Variants in TCOF1 observed in about 807,000 individuals in gnomAD.
TCOF1 encodes the protein treacle protein.
In TCOF1, 33 loss-of-function variants were observed where a neutral mutation model predicts 149.0. The ratio of observed to expected loss-of-function variants is 0.22; its 90% CI spans 0.17 to 0.30. TCOF1 has a LOEUF of 0.30. TCOF1 is among the 10% of genes least tolerant of loss of function. The pLI is 1.00. For synonymous variants in TCOF1, 789 were observed against 738.8 expected (o/e 1.07, Z -1.10); for missense variants, 1,728 against 1,840.7 (o/e 0.94, Z 1.12).
Position 150,375,895 on chromosome 5 carries a change from A to G in TCOF1, c.1879A>G (p.Met627Val), listed in dbSNP as rs753733229. ...GGACAGTGAGGAGGCACCAGCAGCC[A>G]TGACTGCAGCTCAGGTGAGGCCTGG... ...SADSEEAPAA[M>V]TAAQAKPALK... The change falls in exon 12 of 27, where the codon ATG becomes GTG. Residue 627 changes from methionine (M) to valine (V), a missense_variant. Met to Val is a conservative substitution (Grantham distance 21). Coordinates refer to ENST00000643257, the MANE Select transcript of TCOF1 (RefSeq NM_001371623.1). 4 of 1,614,026 alleles carry G rather than the reference A, an allele frequency of 2.5e-6. No homozygotes were observed. The African/African-American group carries it at 5.3e-5, about 22-fold the overall frequency.
rs1448082943 is a variant in TCOF1, at chr5:150,372,233, C to G, written c.867C>G (p.Ser289Arg). ...SEEEAPAGTR[S>R]QVKASEKILQ... ...AGGAGGCCCCTGCAGGGACACGAAG[C>G]CAGGTGAGGCCTGGAGGAGGGCTGC... is the stretch of plus-strand genomic sequence containing the variant. Residue 289 changes from serine to arginine, a missense_variant, in exon 7 of 27, where the codon AGC becomes AGG. This residue lies in a region of TCOF1 where 1,696 missense variants were observed against 1,765.4 expected (regional missense o/e 0.96). Transcript: ENST00000643257. 1.2e-6 allele frequency: 2 copies of G among 1,607,632 alleles called. No individual in the cohort carries two copies. The highest frequency in any genetic ancestry group is 1.3e-5 in the African/African-American group (1 of 74,786).
intron 3 of TCOF1, among the ~76,000 whole-genome samples, chr5:150,366,225 CTGGTGG>C (rs977078782): frequency 6.6e-6 from 1 of 151,916 alleles, no homozygotes; most frequent in Non-Finnish European, 1.5e-5. Context: ...GTGGCATGCA[CTGGTGG>C]TCCCAGCTAC....
In TCOF1 at chr5:150,388,176, A is replaced by C. The variant is rs1331363891; in HGVS notation, c.3046+88A>C. 3 of 1,570,350 alleles carry C rather than the reference A, an allele frequency of 1.9e-6. No homozygotes were observed. In the African/African-American group the frequency reaches 4.1e-5, roughly 21 times the overall value. On this transcript the variant is annotated intron_variant, in intron 18 of 26. Transcript: ENST00000643257. ...GAAGGGACAGGACACTGGCTGAGTC[A>C]CATAGCAAGGTGTTGGTCGGGAGGG...
chr5:150,374,361 C>A lies in TCOF1; in HGVS notation c.1058C>A (p.Thr353Lys). 6.4e-7 allele frequency: 1 copy of A among 1,557,162 alleles called. No individual in the cohort carries two copies. Among genetic ancestry groups the A allele is most frequent in the Non-Finnish European group, 8.7e-7 (1 of 1,150,254 alleles). The part of the protein sequence containing the change: ...SEESSDSEEE[T>K]PAAKALLQAK... ...GAGTCATCTGACAGTGAGGAGGAGA[C>A]GCCAGCTGCCAAGGCCCTGCTTCAG... Residue 353 changes from threonine (T) to lysine (K), a missense_variant, in exon 8 of 27, where the codon ACG becomes AAG. Physicochemically the swap from Thr to Lys is moderately conservative, Grantham distance 78. This residue lies in a region of TCOF1 where 1,696 missense variants were observed against 1,765.4 expected (regional missense o/e 0.96). Transcript: ENST00000643257.
At position 150,387,892 on chromosome 5, in the gene TCOF1, G is replaced by GTTTT; in HGVS notation, c.2860-8_2860-5dup. 1 of 1,613,698 alleles carries GTTTT rather than the reference G, an allele frequency of 6.2e-7. No individual in the cohort carries two copies. ...ATCACTGGGGGGGTGTTTTGTTTTT[G>GTTTT]TTTTTCAAGGTGATTAAACCCCCTC... On this transcript the variant is annotated splice_polypyrimidine_tract_variant and intron_variant, in intron 17 of 26. Coordinates refer to ENST00000643257, the MANE Select transcript of TCOF1 (RefSeq NM_001371623.1).
At position 150,374,974 on chromosome 5, in the gene TCOF1, C is replaced by A. The variant is rs200762971; in HGVS notation, c.1299C>A (p.Ala433=). The change falls in exon 10 of 27, where the codon GCC becomes GCA. Residue 433 remains alanine (A), a synonymous_variant. Transcript: ENST00000643257. The part of the protein sequence containing the change: ...APAQAKPSGK[A]PQVRAASAPA... Reference sequence around the variant, plus strand: ...TCCAGGCGAAGCCTTCAGGGAAGGCCCCCCAGGTCAGAGCCGCCTCGGCCC... The same window carrying A: ...TCCAGGCGAAGCCTTCAGGGAAGGCACCCCAGGTCAGAGCCGCCTCGGCCC... The A allele has an allele frequency of 1.5e-4, 241 of 1,613,602 alleles. 1 individual carries two copies. In the East Asian group the frequency reaches 2.6e-3, roughly 17 times the overall value.
chr5:150,367,060 C>G (rs1165019310), intron 3 of TCOF1, among the ~76,000 whole-genome samples: 1 of 151,934 alleles, frequency 6.6e-6, no homozygotes, highest in Non-Finnish European at 1.5e-5. Context: ...AATCCCAGCA[C>G]TTTGGGAGGC....
intron 6 of TCOF1, among the ~76,000 whole-genome samples, chr5:150,371,770 G>A (rs1762580141): frequency 6.6e-6 from 1 of 152,204 alleles, no homozygotes; most frequent in African/African-American, 2.4e-5. Context: ...AAGTCAGACA[G>A]TCCAGGGTTC....
In TCOF1 at chr5:150,393,365, T is replaced by G; in HGVS notation, c.3604-7T>G. 3 of 1,613,906 alleles carry G rather than the reference T, an allele frequency of 1.9e-6. No homozygotes were observed. The highest frequency in any genetic ancestry group is 2.5e-6 in the Non-Finnish European group (3 of 1,179,976). On this transcript the variant is annotated splice_polypyrimidine_tract_variant and splice_region_variant and intron_variant, in intron 22 of 26. Transcript: ENST00000643257. ...GTGGCAGCCTCTTTCACAATGGGCT[T>G]CTTCAGTCTCTCCTCTCAGGTTATA...
Position 150,387,931 on chromosome 5 carries a change from C to T in TCOF1, c.2889C>T (p.Asp963=), listed in dbSNP as rs758321373. The T allele has an allele frequency of 1.2e-6, 2 of 1,613,852 alleles. No individual in the cohort carries two copies. Among genetic ancestry groups the T allele is most frequent in the Non-Finnish European group, 1.7e-6 (2 of 1,180,026 alleles). Reference sequence around the variant, plus strand: ...TTAAACCCCCTCTGATTTTTGTCGACCCTAATCGTAGTCCAGCTGGCCCAG... The same window carrying T: ...TTAAACCCCCTCTGATTTTTGTCGATCCTAATCGTAGTCCAGCTGGCCCAG... ...QVIKPPLIFV[D]PNRSPAGPAA... is the part of the protein sequence containing the mutation. Residue 963 remains aspartate, a synonymous_variant, in exon 18 of 27, where the codon GAC becomes GAT. Coordinates refer to ENST00000643257, the MANE Select transcript of TCOF1 (RefSeq NM_001371623.1).
At chr5:150,358,565 G>C (rs1759222503) in intron 1 of TCOF1, among the ~76,000 whole-genome samples, 1 of 152,180 alleles carries the variant, frequency 6.6e-6, no homozygotes, top group Non-Finnish European at 1.5e-5. Context: ...GGCCGGGCAC[G>C]GTAGCTCACG....
chr5:150,369,648 C>A (rs1392077357), intron 6 of TCOF1, 46 bp downstream of exon 6: 1 of 1,604,802 alleles, frequency 6.2e-7, no homozygotes, highest in Non-Finnish European at 8.5e-7. Context: ...CAGCCTCTAA[C>A]CCTTCCAGGA....
At position 150,399,004 on chromosome 5, in the gene TCOF1, G is replaced by T; in HGVS notation, c.4444-18G>T. 5 of 1,614,222 alleles carry T rather than the reference G, an allele frequency of 3.1e-6. No homozygotes were observed. In the South Asian group the frequency reaches 3.3e-5, roughly 11 times the overall value. Reference sequence around the variant, plus strand: ...AAAGCTGCAGGTCTGAGAGCCTCTCGTACTTCCCTCCTCACAGAAGAAGAC... The same window carrying T: ...AAAGCTGCAGGTCTGAGAGCCTCTCTTACTTCCCTCCTCACAGAAGAAGAC... On this transcript the variant is annotated intron_variant, in intron 25 of 26. Transcript: ENST00000643257.
chr5:150,373,864 G>A (rs185397282), intron 7 of TCOF1, among the ~76,000 whole-genome samples: 1 of 152,206 alleles, frequency 6.6e-6, no homozygotes, highest in East Asian at 1.9e-4. Flanking sequence ...TAACTACCCA[G>A]TGTGCTGGGG....
intron 17 of TCOF1, among the ~76,000 whole-genome samples, chr5:150,382,675 T>C (rs984557854): frequency 2.6e-5 from 4 of 152,254 alleles, no homozygotes; most frequent in Non-Finnish European, 2.9e-5. Context: ...TCTAGGTGGC[T>C]CCTGCTTTTG....
intron 17 of TCOF1, among the ~76,000 whole-genome samples, chr5:150,382,834 C>T (rs754477579): frequency 6.6e-6 from 1 of 152,234 alleles, no homozygotes; most frequent in African/African-American, 2.4e-5. Context: ...GTCATAAATC[C>T]CTTTCATGTT....
In TCOF1 at chr5:150,374,990, G is replaced by C. The variant is rs758144201; in HGVS notation, c.1315G>C (p.Ala439Pro). The C allele has an allele frequency of 2.5e-6, 4 of 1,613,452 alleles. No homozygotes were observed. The African/African-American group carries it at 4.0e-5, about 16-fold the overall frequency. ...AGGGAAGGCCCCCCAGGTCAGAGCCGCCTCGGCCCCTGCCAAGGAGTCCCC... is the reference window on the plus strand; with the variant it reads ...AGGGAAGGCCCCCCAGGTCAGAGCCCCCTCGGCCCCTGCCAAGGAGTCCCC... ...PSGKAPQVRA[A>P]SAPAKESPRK... Residue 439 changes from alanine (A) to proline (P), a missense_variant, in exon 10 of 27, where the codon GCC (alanine) becomes CCC (proline). Around this residue, in one of 2 missense-constraint regions of TCOF1, gnomAD observed 1,696 missense variants for 1,765.4 expected, o/e 0.96. Coordinates refer to ENST00000643257, the MANE Select transcript of TCOF1 (RefSeq NM_001371623.1).
rs548828328 is a variant in TCOF1, at chr5:150,400,147, G to C, written c.*360G>C. ...CCCACCACCTTGCTCCACAGATCCA[G>C]CTAGGCCTGACCTGTGCCTCATCCC... On this transcript the variant is annotated 3_prime_UTR_variant, in exon 27 of 27. Transcript: ENST00000643257. 3.3e-5 allele frequency: 5 copies of C among 152,312 alleles called. No homozygotes were observed. Among genetic ancestry groups the C allele is most frequent in the African/African-American group, 1.2e-4 (5 of 41,526 alleles). The allele number at this position is 152,312 out of a possible 1,614,324, so 9.4% of individuals were successfully genotyped here. A position where few individuals can be genotyped will look rare whatever the true frequency, so the allele number is the denominator to read the frequency against.
chr5:150,378,694 A>G (rs1400335796), intron 14 of TCOF1: 1 of 628,746 alleles, frequency 1.6e-6, no homozygotes, highest in East Asian at 2.8e-5. Flanking sequence ...AGTCTTCATC[A>G]TAACCCGTAG....
Sources: allele counts gnomAD v4.1 joint callset (sites outside exome capture counted in the v4.1 genomes callset), GRCh38; gene constraint gnomAD v4.1.1; regional missense constraint gnomAD v4.1.1; transcripts MANE v1.5; gene names NCBI Gene and HGNC (gene_info 2026-07-23, HGNC 2026-07-21).